Variants in PPP2R2B observed in about 807,000 individuals in gnomAD.
The protein encoded by PPP2R2B is serine/threonine-protein phosphatase 2A 55 kDa regulatory subunit B beta isoform.
A neutral mutation model predicts 46.0 loss-of-function variants in PPP2R2B; 5 were observed. That is an observed-to-expected ratio of 0.11 (90% CI 0.06 to 0.23). PPP2R2B has a LOEUF of 0.23. Among genes scored for constraint, PPP2R2B ranks in the 10% least tolerant of loss-of-function variants. The pLI is 1.00. For synonymous variants in PPP2R2B, 215 were observed against 206.7 expected, an observed-to-expected ratio of 1.04 and a Z score of -0.34; for missense variants, 367 against 575.0, an observed-to-expected ratio of 0.64 and a Z score of 3.70.
intron 2 of PPP2R2B, among the ~76,000 whole-genome samples, chr5:146,754,822 G>A (rs949030358): frequency 5.9e-5 from 9 of 152,264 alleles, no homozygotes; most frequent in South Asian, 2.1e-4. Flanking sequence ...GGCAACAGCT[G>A]TGTTGGTGAG....
chr5:146,778,057 T>C (rs372926895), intron 2 of PPP2R2B, among the ~76,000 whole-genome samples: 79 of 152,298 alleles, frequency 5.2e-4, no homozygotes, highest in African/African-American at 1.8e-3. Flanking sequence ...TAAAGTTCTA[T>C]GAGAATTGTG....
upstream of PPP2R2B, among the ~76,000 whole-genome samples, chr5:147,058,764 A>G (rs981625406): frequency 1.3e-5 from 2 of 152,164 alleles, no homozygotes; most frequent in African/African-American, 4.8e-5. Context: ...GCACCATTTG[A>G]ACTGTTTCAG....
In PPP2R2B at chr5:146,659,503, CCT is replaced by C. The variant is rs138975210; in HGVS notation, c.448-8781_448-8780del. Among the ~76,000 whole-genome samples the C allele has an allele frequency of 8.8e-3, 1,333 of 152,242 alleles. 21 individuals carry two copies. The highest frequency in any genetic ancestry group is 0.031 in the African/African-American group (1,267 of 41,536). On this transcript the variant is annotated intron_variant, in intron 5 of 9. Coordinates refer to ENST00000394411, the MANE Select transcript of PPP2R2B (RefSeq NM_181675.4). ...TCTTTCTTGATATCAGTATTCCCCT[CCT>C]TAACGTTGGGGATATGTAACATTTT...
At chr5:146,618,057 TACAC>T (rs1773358357) in intron 7 of PPP2R2B, among the ~76,000 whole-genome samples, 1 of 152,164 alleles carries the variant, frequency 6.6e-6, no homozygotes, top group Admixed American at 6.5e-5. Flanking sequence ...CAAATATGTC[TACAC>T]CCTAATCCCT....
chr5:146,716,073 C>G (rs1026107893), intron 2 of PPP2R2B, among the ~76,000 whole-genome samples: 1 of 151,998 alleles, frequency 6.6e-6, no homozygotes, highest in African/African-American at 2.4e-5. Context: ...CAGCATGTCC[C>G]TTGTGGGCAG....
intron 1 of PPP2R2B, among the ~76,000 whole-genome samples, chr5:146,909,358 C>T (rs1235926395): frequency 1.3e-5 from 2 of 152,198 alleles, no homozygotes; most frequent in African/African-American, 4.8e-5. Flanking sequence ...AACCCCAATA[C>T]ACTTCAAAGA....
chr5:146,655,345 C>T (rs371908167), intron 5 of PPP2R2B, among the ~76,000 whole-genome samples: 5 of 152,188 alleles, frequency 3.3e-5, no homozygotes, highest in Non-Finnish European at 5.9e-5. Flanking sequence ...CTCTTCCCCC[C>T]CAGAGAGTGG....
At chr5:146,843,319 G>A (rs1417487099) in intron 2 of PPP2R2B, among the ~76,000 whole-genome samples, 1 of 152,156 alleles carries the variant, frequency 6.6e-6, no homozygotes, top group Non-Finnish European at 1.5e-5. Context: ...ACTATACAAG[G>A]TGAAGTACAT....
At chr5:146,823,513 G>T (rs930776349) in intron 2 of PPP2R2B, among the ~76,000 whole-genome samples, 2 of 151,812 alleles carry the variant, frequency 1.3e-5, no homozygotes, top group Non-Finnish European at 2.9e-5. Context: ...TTACTTAGAC[G>T]GCACACCACA....
At chr5:146,958,360 A>G (rs1349312972) in intron 1 of PPP2R2B, among the ~76,000 whole-genome samples, 1 of 152,170 alleles carries the variant, frequency 6.6e-6, no homozygotes, top group African/African-American at 2.4e-5. Context: ...TGAAGGAAAT[A>G]TCACTAGTAG....
chr5:147,040,745 C>T (rs767091367), intron 1 of PPP2R2B: 26 of 450,178 alleles, frequency 5.8e-5, no homozygotes, highest in African/African-American at 2.2e-4. Flanking sequence ...TTAATAACAG[C>T]GAAGTCTTTT....
intron 1 of PPP2R2B, among the ~76,000 whole-genome samples, chr5:146,965,146 G>C (rs1360732873): frequency 6.6e-6 from 1 of 152,072 alleles, no homozygotes; most frequent in East Asian, 1.9e-4. Flanking sequence ...CAGTTAGTTT[G>C]ATGGCAGAAT....
Position 146,886,289 on chromosome 5 carries a change from A to T in PPP2R2B, c.79+169376T>A, listed in dbSNP as rs570193115. Among the ~76,000 whole-genome samples the T allele has an allele frequency of 7.9e-5, 12 of 152,178 alleles. No homozygotes were observed. In the East Asian group the frequency reaches 2.3e-3, roughly 29 times the overall value. On this transcript the variant is annotated intron_variant, in intron 1 of 8. Transcript: ENST00000336640. ...AGGAGGCGGAGCTTGCAGTGAGCCGAGACTGCGCCACAGCACTCCAGCCCA... is the reference window on the plus strand; with the variant it reads ...AGGAGGCGGAGCTTGCAGTGAGCCGTGACTGCGCCACAGCACTCCAGCCCA...
intron 5 of PPP2R2B, among the ~76,000 whole-genome samples, chr5:146,665,111 C>G (rs1005561976): frequency 6.6e-6 from 1 of 152,190 alleles, no homozygotes; most frequent in Non-Finnish European, 1.5e-5. Flanking sequence ...TGAACATTAG[C>G]TTCAACTTAA....
At chr5:146,671,191 T>A (rs1408660035) in intron 5 of PPP2R2B, among the ~76,000 whole-genome samples, 1 of 152,218 alleles carries the variant, frequency 6.6e-6, no homozygotes, top group Non-Finnish European at 1.5e-5. Context: ...TCCTAGACTT[T>A]GGGAAACACA....
intron 2 of PPP2R2B, among the ~76,000 whole-genome samples, chr5:147,068,537 T>G (rs1479941986): frequency 6.6e-6 from 1 of 152,236 alleles, no homozygotes; most frequent in African/African-American, 2.4e-5. Flanking sequence ...TTATTTATTT[T>G]TTCTGTTTTA....
In PPP2R2B at chr5:146,673,777, T is replaced by C. The variant is rs116956011; in HGVS notation, c.447+17351A>G. 6.9e-3 allele frequency among the ~76,000 whole-genome samples: 1,050 copies of C among 152,316 alleles called. 25 individuals are homozygous for C. Among genetic ancestry groups the C allele is most frequent in the Admixed American group, 0.042 (635 of 15,292 alleles). On this transcript the variant is annotated intron_variant, in intron 5 of 9. Transcript: ENST00000394411. Reference sequence around the variant, plus strand: ...TAACCTTTCTTAGCTCAGTGAGAACTTGAAAGTTTACTGAGCTTTCAAAAA... The same window carrying C: ...TAACCTTTCTTAGCTCAGTGAGAACCTGAAAGTTTACTGAGCTTTCAAAAA...
intron 6 of PPP2R2B, among the ~76,000 whole-genome samples, chr5:146,644,923 C>T (rs1775476095): frequency 6.6e-6 from 1 of 152,166 alleles, no homozygotes; most frequent in African/African-American, 2.4e-5. Flanking sequence ...TTTGCTAATA[C>T]TGACATGCGT....
chr5:146,617,276 A>C (rs904240941), intron 7 of PPP2R2B, among the ~76,000 whole-genome samples: 1 of 152,178 alleles, frequency 6.6e-6, no homozygotes, highest in African/African-American at 2.4e-5. Context: ...AATAGAAAGG[A>C]TGAATAAGAA....
Sources: allele counts gnomAD v4.1 joint callset (sites outside exome capture counted in the v4.1 genomes callset), GRCh38; gene constraint gnomAD v4.1.1; transcripts MANE v1.5; gene names NCBI Gene and HGNC (gene_info 2026-07-23, HGNC 2026-07-21).